MYO5A: variants seen among roughly 807,000 people sequenced by gnomAD.
The protein encoded by MYO5A is myosin VA, also known as unconventional myosin-Va.
In MYO5A, 98 loss-of-function variants were observed where a neutral mutation model predicts 249.7. That is an observed-to-expected ratio of 0.39 (90% confidence interval 0.33 to 0.46). The LOEUF is 0.46. Ranked by LOEUF, MYO5A falls within the 20% of genes least tolerant of loss-of-function variation. The pLI is 0.98. For missense variants in MYO5A, 1,696 were observed against 2,308.8 expected, an observed-to-expected ratio of 0.73 and a Z score of 5.44; for synonymous variants, 778 against 810.6, an observed-to-expected ratio of 0.96 and a Z score of 0.68.
intron 1 of MYO5A, among the ~76,000 whole-genome samples, chr15:52,469,956 C>A (rs1376683847): frequency 6.6e-6 from 1 of 152,158 alleles, no homozygotes; most frequent in African/African-American, 2.4e-5. Context: ...ACCCTTTTTG[C>A]CACATCCATA....
chr15:52,317,901 G>A (rs2140918060), intron 39 of MYO5A, among the ~76,000 whole-genome samples: 1 of 152,324 alleles, frequency 6.6e-6, no homozygotes, highest in South Asian at 2.1e-4. Flanking sequence ...CACACAATCA[G>A]CACTTAGCAA....
At chr15:52,457,997 C>A (rs934890843) in intron 1 of MYO5A, among the ~76,000 whole-genome samples, 1 of 152,094 alleles carries the variant, frequency 6.6e-6, no homozygotes, top group African/African-American at 2.4e-5. Context: ...TGAAATAAAC[C>A]AAGCACAGAA....
chr15:52,434,006 T>C (rs2075603740), intron 1 of MYO5A, among the ~76,000 whole-genome samples: 1 of 149,640 alleles, frequency 6.7e-6, no homozygotes. Flanking sequence ...TTTCTTTTTT[T>C]TTTTTTTTTT....
chr15:52,485,297 T>C (rs998406034), intron 1 of MYO5A, among the ~76,000 whole-genome samples: 2 of 150,468 alleles, frequency 1.3e-5, no homozygotes, highest in Non-Finnish European at 2.9e-5. Flanking sequence ...GTCAGGTGAT[T>C]AATCACTTCT....
intron 3 of MYO5A, among the ~76,000 whole-genome samples, chr15:52,426,662 G>T (rs548505797): frequency 2.0e-5 from 3 of 152,014 alleles, no homozygotes; most frequent in Non-Finnish European, 4.4e-5. Context: ...ACAGGATTTT[G>T]CCATGTTGCC....
intron 1 of MYO5A, among the ~76,000 whole-genome samples, chr15:52,506,526 C>CA (rs35101614): frequency 0.016 from 1,899 of 118,252 alleles, 28 homozygotes; most frequent in African/African-American, 0.049. Flanking sequence ...GACCCTTTCT[C>CA]AAAAAAAAAA....
At chr15:52,322,952 G>A (rs1414098742) in intron 37 of MYO5A, among the ~76,000 whole-genome samples, 1 of 151,480 alleles carries the variant, frequency 6.6e-6, no homozygotes, top group Non-Finnish European at 1.5e-5. Flanking sequence ...TTTAACATTA[G>A]GTATATCTCC....
intron 1 of MYO5A, among the ~76,000 whole-genome samples, chr15:52,493,670 A>C (rs1029480017): frequency 6.6e-6 from 1 of 151,814 alleles, no homozygotes; most frequent in East Asian, 1.9e-4. Flanking sequence ...TCAAAAAAAA[A>C]AGAAAAAAAA....
intron 1 of MYO5A, among the ~76,000 whole-genome samples, chr15:52,464,301 C>T (rs1356194434): frequency 6.6e-6 from 1 of 152,200 alleles, no homozygotes; most frequent in Admixed American, 6.5e-5. Flanking sequence ...GGGTCTTCTC[C>T]CTTCCCCTGA....
chr15:52,428,631 T>C, intron 2 of MYO5A, 62 bp from the exon 3 acceptor site: 3 of 1,563,334 alleles, frequency 1.9e-6, no homozygotes, highest in Middle Eastern at 3.4e-4. Flanking sequence ...AAGAGGCCCA[T>C]GCATTTTGCT....
At chr15:52,407,953 T>C (rs1168971451) in intron 7 of MYO5A, 106 bp downstream of exon 7, 4 of 791,066 alleles carry the variant, frequency 5.1e-6, no homozygotes, top group Admixed American at 3.9e-5. Context: ...ATATTATCCA[T>C]AAGTATTCCA....
Position 52,428,520 on chromosome 15 carries a change from C to T in MYO5A, c.188G>A (p.Arg63Gln), listed in dbSNP as rs766669585. 15 of 1,614,128 alleles carry T rather than the reference C, an allele frequency of 9.3e-6. No individual in the cohort carries two copies. The highest frequency in any genetic ancestry group is 1.6e-4 in the Middle Eastern group (1 of 6,062). The part of the protein sequence containing the change: ...DPKTKELPHL[R>Q]NPDILVGEND... ...TTCACCAACAAGTATGTCAGGATTT[C>T]GTAAGTGAGGCAGCTCCTTGGTCTT... is the stretch of plus-strand genomic sequence containing the variant. Residue 63 changes from arginine (R) to glutamine (Q), a missense_variant, in exon 3 of 42, where the codon CGA (arginine) becomes CAA (glutamine). Coordinates refer to ENST00000399233, the MANE Select transcript of MYO5A (RefSeq NM_001382347.1).
At chr15:52,437,935 A>C (rs984744331) in intron 1 of MYO5A, 9 of 684,866 alleles carry the variant, frequency 1.3e-5, no homozygotes, top group Non-Finnish European at 1.6e-5. Context: ...TAAACACTGA[A>C]CACCACCCTG....
chr15:52,451,160 T>C (rs1207256481), intron 1 of MYO5A, among the ~76,000 whole-genome samples: 1 of 152,082 alleles, frequency 6.6e-6, no homozygotes, highest in Non-Finnish European at 1.5e-5. Flanking sequence ...AATATGTCCT[T>C]CCTGCAGCAT....
chr15:52,373,935 T>C lies in MYO5A; in HGVS notation c.2577+1369A>G, dbSNP rs1016053460. On this transcript the variant is annotated intron_variant, in intron 20 of 41. Coordinates refer to ENST00000399233, the MANE Select transcript of MYO5A (RefSeq NM_001382347.1). ...CTCACCAGTTTCGAATTTTTTGTTG[T>C]CTAAAATCACTTCAAATAAAAATAA... 2.0e-5 allele frequency among the ~76,000 whole-genome samples: 3 copies of C among 146,816 alleles called. No individual in the cohort carries two copies. The East Asian group carries it at 5.9e-4, about 29-fold the overall frequency.
At chr15:52,461,682 G>C (rs1377056761) in intron 1 of MYO5A, among the ~76,000 whole-genome samples, 1 of 152,210 alleles carries the variant, frequency 6.6e-6, no homozygotes, top group African/African-American at 2.4e-5. Context: ...TGTGTGATCA[G>C]CCAGGTGTGG....
At chr15:52,435,319 C>G (rs1475519712) in intron 1 of MYO5A, among the ~76,000 whole-genome samples, 1 of 147,558 alleles carries the variant, frequency 6.8e-6, no homozygotes, top group Non-Finnish European at 1.5e-5. Context: ...CTCTGTCACC[C>G]AGGCTGGAGT....
At chr15:52,343,716 A>G (rs976725026) in intron 30 of MYO5A, among the ~76,000 whole-genome samples, 3 of 152,204 alleles carry the variant, frequency 2.0e-5, no homozygotes, top group African/African-American at 7.2e-5. Context: ...AGTAACATAA[A>G]TCAGAACATG....
intron 22 of MYO5A, 138 bp downstream of exon 22, chr15:52,370,031 G>C: frequency 1.8e-6 from 2 of 1,134,708 alleles, no homozygotes; most frequent in Non-Finnish European, 2.6e-6. Context: ...TTGGGAAACA[G>C]TAATAATGAA....
Sources: allele counts gnomAD v4.1 joint callset (sites outside exome capture counted in the v4.1 genomes callset), GRCh38; gene constraint gnomAD v4.1.1; transcripts MANE v1.5; gene names NCBI Gene and HGNC (gene_info 2026-07-23, HGNC 2026-07-21).